The following CHRM3 variants were observed in gnomAD, a reference collection of about 807,000 sequenced individuals.
The protein encoded by CHRM3 is cholinergic receptor muscarinic 3.
Under a neutral mutation model 41.8 loss-of-function variants are expected in CHRM3, and 11 were observed. The observed-to-expected ratio is 0.26, with a 90% CI of 0.17 to 0.44. The LOEUF (loss-of-function observed/expected upper bound fraction) is 0.44. Ranked by LOEUF, CHRM3 falls within the 20% of genes least tolerant of loss-of-function variation. CHRM3 has a pLI of 1.00. For synonymous variants in CHRM3, 297 were observed against 301.4 expected (o/e 0.99, Z 0.15); for missense variants, 571 against 745.4 (o/e 0.77, Z 2.72).
chr1:239,404,420 A>AAG lies in CHRM3; in HGVS notation c.-521+17195_-521+17196dup, dbSNP rs1408099097. Among the ~76,000 whole-genome samples, 39 of 93,750 alleles carry AAG rather than the reference A, an allele frequency of 4.2e-4. 1 individual carries two copies. Among genetic ancestry groups the AAG allele is most frequent in the African/African-American group, 1.3e-3 (29 of 22,008 alleles). 61.5% of individuals were successfully genotyped at this position (93,750 alleles called of 152,430 possible). A position where few individuals can be genotyped will look rare whatever the true frequency, so the allele number is the denominator to read the frequency against. Reference sequence around the variant, plus strand: ...AGAAAGAAAGAAAGAAAAAGAAAGAAAGAAAGAAAGAAAGAAAGAAAGAAA... The same window carrying AAG: ...AGAAAGAAAGAAAGAAAAAGAAAGAAAGAGAAAGAAAGAAAGAAAGAAAGAAA... On this transcript the variant is annotated intron_variant, in intron 1 of 6. Coordinates refer to ENST00000676153, the MANE Select transcript of CHRM3 (RefSeq NM_001375978.1).
In CHRM3 at chr1:239,668,936, G is replaced by A. The variant is rs937260785; in HGVS notation, c.-249-9250G>A. 2.6e-5 allele frequency among the ~76,000 whole-genome samples: 4 copies of A among 152,200 alleles called. 1 individual carries two copies. The highest frequency in any genetic ancestry group is 6.8e-3 in the Middle Eastern group (2 of 294). ...TTACACCGCACTAAGAAACTGAAAG[G>A]GACATTAATTTCTTTAAAGGGCATC... is the stretch of plus-strand genomic sequence containing the variant. On this transcript the variant is annotated intron_variant, in intron 4 of 6. Coordinates refer to ENST00000676153, the MANE Select transcript of CHRM3 (RefSeq NM_001375978.1).
intron 5 of CHRM3, among the ~76,000 whole-genome samples, chr1:239,747,834 C>G (rs1156378842): frequency 1.3e-5 from 2 of 152,092 alleles, no homozygotes; most frequent in Non-Finnish European, 2.9e-5. Context: ...GAGTTCAAAA[C>G]CAGCCTGGCC....
intron 5 of CHRM3, among the ~76,000 whole-genome samples, chr1:239,795,630 A>G (rs554853289): frequency 1.4e-4 from 22 of 152,202 alleles, no homozygotes; most frequent in Admixed American, 4.6e-4. Flanking sequence ...CTCCATTTCT[A>G]TATTTGTTTC....
intron 2 of CHRM3, among the ~76,000 whole-genome samples, chr1:239,514,048 A>G (rs1290394287): frequency 6.6e-6 from 1 of 152,124 alleles, no homozygotes; most frequent in Non-Finnish European, 1.5e-5. Flanking sequence ...GTTTTACAGT[A>G]AGCTTTGAAG....
intron 5 of CHRM3, among the ~76,000 whole-genome samples, chr1:239,693,363 C>T (rs1412816727): frequency 6.6e-6 from 1 of 152,036 alleles, no homozygotes; most frequent in African/African-American, 2.4e-5. Flanking sequence ...GGTAGGATCT[C>T]TCTCTCTCTC....
At chr1:239,871,966 A>G (rs1023596150) in intron 6 of CHRM3, among the ~76,000 whole-genome samples, 3 of 152,198 alleles carry the variant, frequency 2.0e-5, no homozygotes, top group African/African-American at 7.2e-5. Context: ...TAATTTAGAC[A>G]GTTGTGTTGA....
At chr1:239,778,313 A>G (rs1204728971) in intron 5 of CHRM3, among the ~76,000 whole-genome samples, 2 of 152,150 alleles carry the variant, frequency 1.3e-5, no homozygotes, top group African/African-American at 4.8e-5. Context: ...ATTTCCAACT[A>G]TTGAGGTAAT....
chr1:239,515,587 C>T (rs910077879), intron 2 of CHRM3, among the ~76,000 whole-genome samples: 2 of 152,104 alleles, frequency 1.3e-5, no homozygotes, highest in Admixed American at 1.3e-4. Flanking sequence ...ATTTATTTTT[C>T]CAAAAGCTTG....
intron 1 of CHRM3, among the ~76,000 whole-genome samples, chr1:239,479,055 G>A (rs1324365086): frequency 1.3e-5 from 2 of 152,012 alleles, no homozygotes; most frequent in African/African-American, 4.8e-5. Flanking sequence ...GTGTTGGCTG[G>A]CACCTGTTAT....
intron 5 of CHRM3, among the ~76,000 whole-genome samples, chr1:239,700,316 G>A (rs749786241): frequency 6.6e-6 from 1 of 152,030 alleles, no homozygotes; most frequent in Admixed American, 6.6e-5. Flanking sequence ...AACATCTTCA[G>A]CAGGTATCCA....
intron 3 of CHRM3, among the ~76,000 whole-genome samples, chr1:239,608,232 T>G (rs1666579771): frequency 6.6e-6 from 1 of 152,156 alleles, no homozygotes; most frequent in Non-Finnish European, 1.5e-5. Context: ...ATAAAATTCC[T>G]TTCTCATTGG....
At position 239,733,648 on chromosome 1, in the gene CHRM3, G is replaced by T. The variant is rs547408559; in HGVS notation, c.-147+55360G>T. Among the ~76,000 whole-genome samples the T allele has an allele frequency of 5.9e-5, 9 of 152,036 alleles. No homozygotes were observed. In the South Asian group the frequency reaches 8.3e-4, roughly 14 times the overall value. ...TCTGTAAGAAAGTTTATATTCATTT[G>T]AGAGAAAAAATATTTTGAGATAAAA... On this transcript the variant is annotated intron_variant, in intron 5 of 6. Transcript: ENST00000676153.
chr1:239,839,808 G>GT (rs1190506052), intron 6 of CHRM3, among the ~76,000 whole-genome samples: 1 of 149,338 alleles, frequency 6.7e-6, no homozygotes, highest in Non-Finnish European at 1.5e-5. Context: ...GGCGGGGGGG[G>GT]AGCGGGGAAG....
chr1:239,603,400 C>T (rs890558879), intron 3 of CHRM3, among the ~76,000 whole-genome samples: 2 of 152,078 alleles, frequency 1.3e-5, no homozygotes, highest in African/African-American at 4.8e-5. Flanking sequence ...CAATACCATT[C>T]AGTGATAGGC....
At chr1:239,890,113 C>T (rs1264356633) in intron 6 of CHRM3, among the ~76,000 whole-genome samples, 1 of 152,006 alleles carries the variant, frequency 6.6e-6, no homozygotes. Context: ...ACCAGCCTGA[C>T]CAACATGGAG....
At chr1:239,543,548 C>T (rs908667570) in intron 2 of CHRM3, among the ~76,000 whole-genome samples, 18 of 151,518 alleles carry the variant, frequency 1.2e-4, no homozygotes, top group Admixed American at 1.2e-3. Flanking sequence ...CACTCAGTCA[C>T]CCAGGCTGGA....
At chr1:239,689,643 G>C (rs12403980) in intron 5 of CHRM3, among the ~76,000 whole-genome samples, 68,361 of 151,924 alleles carry the variant, frequency 0.45, 15,780 homozygotes, top group Middle Eastern at 0.52. Context: ...CTTTCTCAGA[G>C]ATCCTAACAG....
chr1:239,819,297 G>C (rs949577463), intron 5 of CHRM3, among the ~76,000 whole-genome samples: 1 of 152,164 alleles, frequency 6.6e-6, no homozygotes, highest in Non-Finnish European at 1.5e-5. Flanking sequence ...GAGATCTCTG[G>C]ACAGGCAGGT....
In CHRM3 at chr1:239,670,461, T is replaced by C. The variant is rs552060412; in HGVS notation, c.-249-7725T>C. 1.8e-4 allele frequency among the ~76,000 whole-genome samples: 27 copies of C among 152,272 alleles called. 1 individual carries two copies. The South Asian group carries it at 4.8e-3, about 27-fold the overall frequency. The stretch of plus-strand genomic sequence containing the variant: ...ATTGCATCTTTAAGATTCCATTGCA[T>C]GACAGTATCACATTTTGCTTCTCCA... On this transcript the variant is annotated intron_variant, in intron 4 of 6. Coordinates refer to ENST00000676153, the MANE Select transcript of CHRM3 (RefSeq NM_001375978.1).
Sources: gnomAD v4.1 joint callset for allele counts (sites outside exome capture counted in the v4.1 genomes callset) on GRCh38, gnomAD v4.1.1 for gene constraint, MANE v1.5 for transcripts, NCBI Gene and HGNC (gene_info 2026-07-23, HGNC 2026-07-21) for gene names.